TBCK: variants seen among roughly 807,000 people sequenced by gnomAD.
TBCK encodes TBC domain-containing protein kinase-like protein.
Under a neutral mutation model 113.4 loss-of-function variants are expected in TBCK, and 99 were observed. The observed-to-expected ratio is 0.87, with a 90% confidence interval of 0.74 to 1.03. TBCK has a LOEUF of 1.03. Among genes scored for constraint, TBCK ranks in the 50% least tolerant of loss-of-function variants. The pLI, the probability that TBCK is intolerant of heterozygous loss-of-function variation, is 0.00. For missense variants in TBCK, 1,045 were observed against 1,061.3 expected (o/e 0.98, Z 0.21); for synonymous variants, 369 against 370.8 (o/e 1.00, Z 0.05).
intron 3 of TBCK, among the ~76,000 whole-genome samples, chr4:106,291,171 T>C (rs1236380316): frequency 6.6e-6 from 1 of 152,178 alleles, no homozygotes; most frequent in Non-Finnish European, 1.5e-5. Flanking sequence ...GCAACATTTA[T>C]TTTAGTCTGC....
intron 22 of TBCK, among the ~76,000 whole-genome samples, chr4:106,173,438 A>G (rs375686458): frequency 1.3e-5 from 2 of 152,152 alleles, no homozygotes; most frequent in African/African-American, 4.8e-5. Context: ...TTAGTTTCCA[A>G]AGGAAAGGGT....
intron 12 of TBCK, 77 bp downstream of exon 12, chr4:106,242,393 C>T (rs1347961419): frequency 9.3e-6 from 10 of 1,072,222 alleles, no homozygotes; most frequent in Non-Finnish European, 1.2e-5. Flanking sequence ...AAGAGGCATA[C>T]AAGATTTCTT....
At chr4:106,079,828 G>A (rs1055554444) in intron 25 of TBCK, among the ~76,000 whole-genome samples, 1 of 152,172 alleles carries the variant, frequency 6.6e-6, no homozygotes, top group Non-Finnish European at 1.5e-5. Flanking sequence ...GAAGCTTCAG[G>A]AAATGTACAA....
intron 19 of TBCK, among the ~76,000 whole-genome samples, chr4:106,229,423 A>G (rs768099320): frequency 2.6e-5 from 4 of 151,458 alleles, no homozygotes; most frequent in Non-Finnish European, 4.4e-5. Flanking sequence ...ATTTTTGTGT[A>G]TGTTGACAGA....
intron 19 of TBCK, among the ~76,000 whole-genome samples, chr4:106,214,733 G>A (rs557040273): frequency 4.0e-5 from 6 of 151,596 alleles, no homozygotes; most frequent in Admixed American, 2.0e-4. Flanking sequence ...CCAAATCTAC[G>A]TCTGATTGGT....
At chr4:106,163,870 C>A (rs1750078211) in intron 23 of TBCK, among the ~76,000 whole-genome samples, 2 of 152,060 alleles carry the variant, frequency 1.3e-5, no homozygotes, top group Non-Finnish European at 2.9e-5. Flanking sequence ...TGCCTTTCTT[C>A]TTCTCTACAC....
chr4:106,245,949 A>G (rs1007163992), intron 10 of TBCK, among the ~76,000 whole-genome samples: 20 of 152,280 alleles, frequency 1.3e-4, no homozygotes, highest in African/African-American at 4.8e-4. Flanking sequence ...CTAGAAAAAA[A>G]CATCTGGAAT....
At chr4:106,292,223 A>T (rs888473712) in intron 3 of TBCK, among the ~76,000 whole-genome samples, 1 of 152,094 alleles carries the variant, frequency 6.6e-6, no homozygotes, top group Non-Finnish European at 1.5e-5. Context: ...GAAAAATGTC[A>T]CCTGAACTTA....
rs897414110 is a variant in TBCK at position 106,046,287 on chromosome 4, T to C, written c.*283A>G. ...GGATTTCTTGATAATGCTAAATCTG[T>C]CTTGTCAGCTGAATTTCTTGGGCTT... On this transcript the variant is annotated 3_prime_UTR_variant, in exon 26 of 26. Transcript: ENST00000394708. The C allele has an allele frequency of 1.1e-5, 3 of 273,660 alleles. No homozygotes were observed. Among genetic ancestry groups the C allele is most frequent in the African/African-American group, 4.5e-5 (2 of 44,464 alleles). 17.0% of individuals were successfully genotyped at this position (273,660 alleles called of 1,614,324 possible). A position where few individuals can be genotyped will look rare whatever the true frequency, so the allele number is the denominator to read the frequency against.
chr4:106,095,661 G>A lies in TBCK; in HGVS notation c.2412-20C>T. Reference sequence around the variant, plus strand: ...ATAAAGCTGAGAAGGAAAGTTTAAGGAAAACATTTATTTGTGTGCAATCCT... The same window carrying A: ...ATAAAGCTGAGAAGGAAAGTTTAAGAAAAACATTTATTTGTGTGCAATCCT... On this transcript the variant is annotated intron_variant, in intron 24 of 25. Coordinates refer to ENST00000394708, the MANE Select transcript of TBCK (RefSeq NM_001163435.3). The A allele has an allele frequency of 6.2e-7, 1 of 1,609,636 alleles. No individual in the cohort carries two copies. The highest frequency in any genetic ancestry group is 8.5e-7 in the Non-Finnish European group (1 of 1,177,362).
intron 22 of TBCK, among the ~76,000 whole-genome samples, chr4:106,171,991 C>T (rs1579118771): frequency 6.6e-6 from 1 of 151,980 alleles, no homozygotes; most frequent in African/African-American, 2.4e-5. Flanking sequence ...CCACAACACC[C>T]GGCTAATTTT....
intron 23 of TBCK, among the ~76,000 whole-genome samples, chr4:106,130,576 C>A (rs1220058223): frequency 7.0e-6 from 1 of 142,954 alleles, no homozygotes; most frequent in Non-Finnish European, 1.5e-5. Flanking sequence ...TTATGGACCA[C>A]TTTTGCGCTA....
intron 2 of TBCK, among the ~76,000 whole-genome samples, chr4:106,297,497 A>C (rs1766433922): frequency 6.6e-6 from 1 of 152,216 alleles, no homozygotes; most frequent in Non-Finnish European, 1.5e-5. Flanking sequence ...AGCCAGCATC[A>C]TCTCATTAGA....
chr4:106,078,133 A>G (rs1738436849), intron 25 of TBCK, among the ~76,000 whole-genome samples: 1 of 152,188 alleles, frequency 6.6e-6, no homozygotes, highest in South Asian at 2.1e-4. Flanking sequence ...ACACAGTTAC[A>G]GTTGCATTAA....
chr4:106,074,447 CTG>C (rs1363359555), intron 25 of TBCK, among the ~76,000 whole-genome samples: 1 of 152,162 alleles, frequency 6.6e-6, no homozygotes, highest in Non-Finnish European at 1.5e-5. Context: ...GTATCAGGCT[CTG>C]TGATGAACCA....
At chr4:106,171,507 T>A (rs1257824401) in intron 22 of TBCK, among the ~76,000 whole-genome samples, 1 of 152,146 alleles carries the variant, frequency 6.6e-6, no homozygotes, top group East Asian at 1.9e-4. Context: ...ACTTATGTTT[T>A]CATGTGTGTC....
In TBCK at chr4:106,229,242, T is replaced by C. The variant is rs182662062; in HGVS notation, c.1774+1121A>G. On this transcript the variant is annotated intron_variant, in intron 19 of 25. Transcript: ENST00000394708. ...GTCTCCTTTGCTGTTCAGAAGGTTTTTAACTTGATGTGATCTCATTTGTCC... is the reference window on the plus strand; with the variant it reads ...GTCTCCTTTGCTGTTCAGAAGGTTTCTAACTTGATGTGATCTCATTTGTCC... Among the ~76,000 whole-genome samples the C allele has an allele frequency of 3.9e-5, 6 of 152,182 alleles. No individual in the cohort carries two copies. In the East Asian group the frequency reaches 1.2e-3, roughly 29 times the overall value.
chr4:106,141,733 G>C (rs1049494967), intron 23 of TBCK, among the ~76,000 whole-genome samples: 1 of 140,518 alleles, frequency 7.1e-6, no homozygotes, highest in African/African-American at 2.5e-5. Flanking sequence ...CTAAAAAGGA[G>C]GACCTTAAAT....
Position 106,236,280 on chromosome 4 carries a change from T to C in TBCK, c.1350+110A>G, listed in dbSNP as rs548148934. 4 of 720,232 alleles carry C rather than the reference T, an allele frequency of 5.6e-6. No homozygotes were observed. The Admixed American group carries it at 1.5e-4, about 28-fold the overall frequency. The allele number at this position is 720,232 out of a possible 1,614,324, so 44.6% of individuals were successfully genotyped here. A position where few individuals can be genotyped will look rare whatever the true frequency, so the allele number is the denominator to read the frequency against. On this transcript the variant is annotated intron_variant, in intron 14 of 25. Transcript: ENST00000394708. ...AAGAAAGCTAACTGAACAAGATAGG[T>C]CATAAAAATTAATCTTCTTATTACT...
Sources: gnomAD v4.1 joint callset for allele counts (sites outside exome capture counted in the v4.1 genomes callset) on GRCh38, gnomAD v4.1.1 for gene constraint, MANE v1.5 for transcripts, NCBI Gene and HGNC (gene_info 2026-07-23, HGNC 2026-07-21) for gene names.